The following WDR72 variants were observed in gnomAD, a reference collection of about 807,000 sequenced individuals.
WDR72 encodes WD repeat domain 72, also known as WD repeat-containing protein 72.
WDR72 carries 120 observed loss-of-function variants against 124.2 expected under a neutral mutation model. That is an observed-to-expected ratio of 0.97 (90% confidence interval 0.83 to 1.12). The LOEUF (loss-of-function observed/expected upper bound fraction) is 1.12, where lower values mean the gene tolerates loss of function less well. WDR72 is among the 50% of genes most tolerant of loss of function. The probability of loss-of-function intolerance (pLI) is 0.00; values close to 1 mark genes in which losing one functional copy is unlikely to be tolerated. For synonymous variants in WDR72, 452 were observed against 441.7 expected (o/e 1.02, Z -0.29); for missense variants, 1,387 against 1,278.8 (o/e 1.08, Z -1.29).
intron 6 of WDR72, 32 bp downstream of exon 6, chr15:53,714,402 T>C: frequency 3.9e-6 from 6 of 1,550,020 alleles, no homozygotes; most frequent in Non-Finnish European, 5.3e-6. Flanking sequence ...CTTGAAATTG[T>C]AAGGAAAAAA....
At position 53,516,264 on chromosome 15, in the gene WDR72, G is replaced by T. The variant is rs1007492796; in HGVS notation, c.*1435C>A. The T allele has an allele frequency of 6.6e-6, 1 of 152,064 alleles. No individual in the cohort carries two copies. Among genetic ancestry groups the T allele is most frequent in the African/African-American group, 2.4e-5 (1 of 41,416 alleles). 9.4% of individuals were successfully genotyped at this position (152,064 alleles called of 1,614,324 possible). On this transcript the variant is annotated 3_prime_UTR_variant, in exon 20 of 20. Coordinates refer to ENST00000360509, the MANE Select transcript of WDR72 (RefSeq NM_182758.4). ...GCACACTTTAATCTACTTTAAGGGAGTCACACTCATTTGACATCTTTATCC... is the reference window on the plus strand; with the variant it reads ...GCACACTTTAATCTACTTTAAGGGATTCACACTCATTTGACATCTTTATCC...
At chr15:53,713,237 G>A (rs2017599756) in intron 6 of WDR72, among the ~76,000 whole-genome samples, 1 of 149,148 alleles carries the variant, frequency 6.7e-6, no homozygotes, top group African/African-American at 2.5e-5. Context: ...TAGATTCAAG[G>A]GCTCATTACA....
At chr15:53,526,685 T>C (rs192525297) in intron 18 of WDR72, among the ~76,000 whole-genome samples, 1 of 152,224 alleles carries the variant, frequency 6.6e-6, no homozygotes, top group East Asian at 1.9e-4. Context: ...AGTCCATTTG[T>C]AGCTCATCAC....
Position 53,722,828 on chromosome 15 carries a change from G to A in WDR72, c.234C>T (p.Pro78=), listed in dbSNP as rs1327733140. 2 of 1,613,054 alleles carry A rather than the reference G, an allele frequency of 1.2e-6. No individual in the cohort carries two copies. Among genetic ancestry groups the A allele is most frequent in the Non-Finnish European group, 1.7e-6 (2 of 1,179,984 alleles). The change falls in exon 3 of 20, where the codon CCC becomes CCT. Residue 78 remains proline (P), a synonymous_variant. Transcript: ENST00000360509. ...LARARDFSKQ[P]YIVSAAENGE... ...CATTTTCAGCAGCACTAACAATGTA[G>A]GGCTGTTTAGAGAAGTCCCTTGCTC... is the stretch of plus-strand genomic sequence containing the variant.
chr15:53,540,223 G>A (rs1893006177), intron 18 of WDR72, among the ~76,000 whole-genome samples: 1 of 152,114 alleles, frequency 6.6e-6, no homozygotes. Flanking sequence ...ATATTGACAA[G>A]AATATAGAAA....
At chr15:53,715,084 C>T in intron 5 of WDR72, 109 bp downstream of exon 5, 1 of 1,206,436 alleles carries the variant, frequency 8.3e-7, no homozygotes, top group Non-Finnish European at 1.2e-6. Flanking sequence ...AACAGGTAAG[C>T]ATAAAGAAGC....
At chr15:53,760,676 T>G (rs566832400), upstream of WDR72, among the ~76,000 whole-genome samples, 1 of 152,346 alleles carries the variant, frequency 6.6e-6, no homozygotes, top group East Asian at 1.9e-4. Flanking sequence ...ATACTGATTT[T>G]CTTTCTTTTG....
At chr15:53,687,073 G>A (rs1436643610) in intron 13 of WDR72, among the ~76,000 whole-genome samples, 1 of 150,496 alleles carries the variant, frequency 6.6e-6, no homozygotes, top group African/African-American at 2.5e-5. Flanking sequence ...TGTGTAGAGG[G>A]AAATTTATAG....
At chr15:53,539,581 G>C (rs889998831) in intron 18 of WDR72, among the ~76,000 whole-genome samples, 1 of 151,696 alleles carries the variant, frequency 6.6e-6, no homozygotes, top group African/African-American at 2.4e-5. Flanking sequence ...GCTAATAGTT[G>C]AGGGCTAACT....
At chr15:53,598,231 CAGTG>C (rs1443433631) in intron 17 of WDR72, among the ~76,000 whole-genome samples, 1 of 78,028 alleles carries the variant, frequency 1.3e-5, no homozygotes, top group Non-Finnish European at 4.0e-5. Flanking sequence ...AGCTACATCC[CAGTG>C]CCTTTCATAT....
In WDR72 at chr15:53,700,236, G is replaced by A. The variant is rs79128586; in HGVS notation, c.1570-291C>T. 5.5e-3 allele frequency among the ~76,000 whole-genome samples: 831 copies of A among 152,270 alleles called. 23 individuals are homozygous for A. Among genetic ancestry groups the A allele is most frequent in the East Asian group, 0.046 (237 of 5,180 alleles). ...CCATCACTCAGCAAATTCAGGCAGC[G>A]AGGCAGACATCGGAAATAATGCAGA... is the stretch of plus-strand genomic sequence containing the variant. On this transcript the variant is annotated intron_variant, in intron 12 of 19. Coordinates refer to ENST00000360509, the MANE Select transcript of WDR72 (RefSeq NM_182758.4).
intron 18 of WDR72, among the ~76,000 whole-genome samples, chr15:53,576,692 C>G (rs1448671067): frequency 6.6e-6 from 1 of 152,040 alleles, no homozygotes; most frequent in Non-Finnish European, 1.5e-5. Flanking sequence ...CTATGGGAAC[C>G]TAGGGAAAAT....
chr15:53,555,293 G>A (rs1047164181), intron 18 of WDR72, among the ~76,000 whole-genome samples: 1 of 151,780 alleles, frequency 6.6e-6, no homozygotes, highest in Admixed American at 6.6e-5. Flanking sequence ...TGCACTTCAC[G>A]GAGGACAGAG....
At chr15:53,636,768 T>C (rs529140069) in intron 14 of WDR72, among the ~76,000 whole-genome samples, 1 of 152,304 alleles carries the variant, frequency 6.6e-6, no homozygotes, top group South Asian at 2.1e-4. Flanking sequence ...TCTGTGTACT[T>C]GTCCACAATC....
Position 53,716,576 on chromosome 15 carries a change from G to C in WDR72, c.339+31C>G, listed in dbSNP as rs1285155958. On this transcript the variant is annotated intron_variant, in intron 4 of 19. Transcript: ENST00000360509. ...TGCCCTAAACAAGTTGCAGAATCTA[G>C]AAATGCCCTGAAGGAAGTGAGTGTA... 2.1e-6 allele frequency: 3 copies of C among 1,448,562 alleles called. No homozygotes were observed. In the Admixed American group the frequency reaches 5.0e-5, roughly 24 times the overall value. 89.7% of individuals were successfully genotyped at this position (1,448,562 alleles called of 1,614,324 possible). A position where few individuals can be genotyped will look rare whatever the true frequency, so the allele number is the denominator to read the frequency against.
intron 13 of WDR72, among the ~76,000 whole-genome samples, chr15:53,672,017 A>C (rs1233148408): frequency 6.7e-6 from 1 of 149,910 alleles, no homozygotes; most frequent in African/African-American, 2.5e-5. Context: ...GAGAGCACTT[A>C]CAACTTTCTA....
chr15:53,747,128 T>C lies in WDR72; in HGVS notation c.-13+12505A>G, dbSNP rs532230184. Among the ~76,000 whole-genome samples, 37 of 152,298 alleles carry C rather than the reference T, an allele frequency of 2.4e-4. No homozygotes were observed. The South Asian group carries it at 7.5e-3, about 31-fold the overall frequency. On this transcript the variant is annotated intron_variant, in intron 1 of 19. Transcript: ENST00000360509. ...GGCCTGACTTCAGTCCATGAGAACATACCAGTCCAAGCTGGCATGGGTCAG... is the reference window on the plus strand; with the variant it reads ...GGCCTGACTTCAGTCCATGAGAACACACCAGTCCAAGCTGGCATGGGTCAG...
intron 1 of WDR72, among the ~76,000 whole-genome samples, chr15:53,753,966 C>T: frequency 6.6e-6 from 1 of 152,172 alleles, no homozygotes; most frequent in East Asian, 1.9e-4. Context: ...CATACCACTT[C>T]TTAAAGGCCT....
intron 14 of WDR72, among the ~76,000 whole-genome samples, chr15:53,649,531 C>T (rs560570661): frequency 6.6e-6 from 1 of 152,048 alleles, no homozygotes; most frequent in South Asian, 2.1e-4. Flanking sequence ...AGATTTTCCA[C>T]CACAAATATA....
Sources: allele counts gnomAD v4.1 joint callset (sites outside exome capture counted in the v4.1 genomes callset), GRCh38; gene constraint gnomAD v4.1.1; transcripts MANE v1.5; gene names NCBI Gene and HGNC (gene_info 2026-07-23, HGNC 2026-07-21).